The following SLC7A7 variants were observed in gnomAD, a reference collection of about 807,000 sequenced individuals.
SLC7A7 encodes solute carrier family 7 member 7.
A neutral mutation model predicts 47.9 loss-of-function variants in SLC7A7; 39 were observed. The ratio of observed to expected loss-of-function variants is 0.81; its 90% confidence interval spans 0.63 to 1.06. The LOEUF is 1.06. SLC7A7 is among the 50% of genes least tolerant of loss of function. The probability of loss-of-function intolerance (pLI) is 0.00; values close to 1 mark genes in which losing one functional copy is unlikely to be tolerated. For missense variants in SLC7A7, 588 were observed against 632.0 expected, an observed-to-expected ratio of 0.93 and a Z score of 0.75; for synonymous variants, 234 against 242.8, an observed-to-expected ratio of 0.96 and a Z score of 0.34.
rs1185832105 is a variant in SLC7A7 at position 22,773,429 on chromosome 14, A to G, written c.*181T>C. On this transcript the variant is annotated 3_prime_UTR_variant, in exon 10 of 10. Transcript: ENST00000674313. Reference sequence around the variant, plus strand: ...ATTGTCCCCTTTAAAAGTCTGGAACAGTATGTAGCAAAACAAATAAATTAC... The same window carrying G: ...ATTGTCCCCTTTAAAAGTCTGGAACGGTATGTAGCAAAACAAATAAATTAC... 4 of 693,150 alleles carry G rather than the reference A, an allele frequency of 5.8e-6. No homozygotes were observed. The highest frequency in any genetic ancestry group is 5.6e-5 in the East Asian group (2 of 35,892). The allele number at this position is 693,150 out of a possible 1,614,324, so 42.9% of individuals were successfully genotyped here. A position where few individuals can be genotyped will look rare whatever the true frequency, so the allele number is the denominator to read the frequency against.
At chr14:22,803,199 C>G (rs1267235110) in intron 2 of SLC7A7, among the ~76,000 whole-genome samples, 1 of 152,106 alleles carries the variant, frequency 6.6e-6, no homozygotes, top group Non-Finnish European at 1.5e-5. Flanking sequence ...GCGGGCAGAT[C>G]GCCTGAGGTC....
At chr14:22,780,203 G>C (rs1594949830) in intron 2 of SLC7A7, 152 bp from the exon 3 acceptor site, 1 of 860,438 alleles carries the variant, frequency 1.2e-6, no homozygotes. Context: ...AACCCTCGGG[G>C]CCCCAGAATG....
intron 2 of SLC7A7, among the ~76,000 whole-genome samples, chr14:22,804,684 A>C (rs114093678): frequency 6.6e-6 from 1 of 152,174 alleles, no homozygotes; most frequent in Admixed American, 6.5e-5. Context: ...GTCAGTCAGA[A>C]TGTCAATAAT....
At chr14:22,809,249 G>A (rs754377383) in intron 2 of SLC7A7, among the ~76,000 whole-genome samples, 14 of 151,420 alleles carry the variant, frequency 9.2e-5, no homozygotes, top group Admixed American at 1.3e-4. Context: ...GCATGATCTC[G>A]GCTACTGCAA....
At chr14:22,774,277 A>G in intron 8 of SLC7A7, 77 bp downstream of exon 8, 1 of 1,610,444 alleles carries the variant, frequency 6.2e-7, no homozygotes, top group Non-Finnish European at 8.5e-7. Flanking sequence ...TTCTAAATAA[A>G]GTGCTTTGTC....
chr14:22,775,864 C>T lies in SLC7A7; in HGVS notation c.967G>A (p.Gly323Ser). ...PLSVALSCFG[G>S]LNASIVAASR... ...GCAGCCACAATGGAGGCATTGAGGC[C>T]ACCAAAACAGGATAATGCAACTGAC... Residue 323 changes from glycine to serine, a missense_variant, in exon 6 of 10, where the codon GGC (glycine) becomes AGC (serine). Coordinates refer to ENST00000674313, the MANE Select transcript of SLC7A7 (RefSeq NM_003982.4). The T allele has an allele frequency of 6.2e-7, 1 of 1,614,074 alleles. No homozygotes were observed. The highest frequency in any genetic ancestry group is 1.1e-5 in the South Asian group (1 of 91,068).
rs111345188 is a variant in SLC7A7, at chr14:22,807,883, C to G, written c.499+5017G>C. Reference sequence around the variant, plus strand: ...AAAAATAAAGTTGTCCCATTTAGGTCGGGCGTGGTAGCTCATGCCTGTAGT... The same window carrying G: ...AAAAATAAAGTTGTCCCATTTAGGTGGGGCGTGGTAGCTCATGCCTGTAGT... On this transcript the variant is annotated intron_variant, in intron 2 of 9. Coordinates refer to ENST00000674313, the MANE Select transcript of SLC7A7 (RefSeq NM_003982.4). 2.8e-3 allele frequency among the ~76,000 whole-genome samples: 423 copies of G among 152,274 alleles called. 2 individuals are homozygous for G. The highest frequency in any genetic ancestry group is 9.6e-3 in the African/African-American group (398 of 41,558).
intron 2 of SLC7A7, among the ~76,000 whole-genome samples, chr14:22,806,958 C>T (rs1239816396): frequency 2.1e-5 from 3 of 141,860 alleles, no homozygotes; most frequent in Admixed American, 7.8e-5. Flanking sequence ...AGTGCAGTGG[C>T]GCGATCTGGG....
intron 2 of SLC7A7, among the ~76,000 whole-genome samples, chr14:22,789,229 T>C (rs1446110481): frequency 6.6e-6 from 1 of 152,120 alleles, no homozygotes; most frequent in African/African-American, 2.4e-5. Flanking sequence ...GGGCTATCAC[T>C]TGTGGTAGGT....
rs939164060 is a variant in SLC7A7 at position 22,773,360 on chromosome 14, C to T, written c.*250G>A. 1 of 597,392 alleles carries T rather than the reference C, an allele frequency of 1.7e-6. No homozygotes were observed. Among genetic ancestry groups the T allele is most frequent in the Non-Finnish European group, 3.1e-6 (1 of 319,944 alleles). The allele number at this position is 597,392 out of a possible 1,614,324, so 37.0% of individuals were successfully genotyped here. ...TAGGCACACCCAGGTGCTTCTAAAA[C>T]AACCAAGCCCAAACCTGACATGCTC... On this transcript the variant is annotated 3_prime_UTR_variant, in exon 10 of 10. Transcript: ENST00000674313.
chr14:22,805,808 T>A (rs1450668755), intron 2 of SLC7A7, among the ~76,000 whole-genome samples: 6 of 152,014 alleles, frequency 3.9e-5, no homozygotes, highest in Admixed American at 6.6e-5. Flanking sequence ...ATAAAAATTT[T>A]AAAAAAAGAA....
rs562951440 is a variant in SLC7A7, at chr14:22,797,316, A to T, written c.499+15584T>A. On this transcript the variant is annotated intron_variant, in intron 2 of 9. Coordinates refer to ENST00000674313, the MANE Select transcript of SLC7A7 (RefSeq NM_003982.4). ...AGAATAAGCAGCTTCAGGAGGTGCCATCTGCACACCTCTCTGTTTGGGAAA... is the reference window on the plus strand; with the variant it reads ...AGAATAAGCAGCTTCAGGAGGTGCCTTCTGCACACCTCTCTGTTTGGGAAA... Among the ~76,000 whole-genome samples, 44 of 152,312 alleles carry T rather than the reference A, an allele frequency of 2.9e-4. No individual in the cohort carries two copies. In the East Asian group the frequency reaches 6.4e-3, roughly 22 times the overall value.
intron 2 of SLC7A7, among the ~76,000 whole-genome samples, chr14:22,781,026 A>G (rs879841918): frequency 6.6e-6 from 1 of 152,132 alleles, no homozygotes; most frequent in Non-Finnish European, 1.5e-5. Flanking sequence ...GTTGGAAAAA[A>G]AAATACAGAT....
chr14:22,776,257 T>A lies in SLC7A7; in HGVS notation c.832A>T (p.Asn278Tyr), dbSNP rs2038604550. 6.2e-7 allele frequency: 1 copy of A among 1,614,066 alleles called. No individual in the cohort carries two copies. The highest frequency in any genetic ancestry group is 1.7e-5 in the Admixed American group (1 of 59,986). The part of the protein sequence containing the change: ...PIVTIIYILT[N>Y]VAYYTVLDMR... Reference sequence around the variant, plus strand: ...TCTAGCACAGTATAATAGGCCACATTGGTCAAGATATAGATGATGGTGACA... The same window carrying A: ...TCTAGCACAGTATAATAGGCCACATAGGTCAAGATATAGATGATGGTGACA... Residue 278 changes from asparagine (N) to tyrosine (Y), a missense_variant, in exon 5 of 10, where the codon AAT becomes TAT. Coordinates refer to ENST00000674313, the MANE Select transcript of SLC7A7 (RefSeq NM_003982.4).
intron 2 of SLC7A7, among the ~76,000 whole-genome samples, chr14:22,790,422 G>A (rs959436042): frequency 6.6e-6 from 1 of 151,492 alleles, no homozygotes; most frequent in African/African-American, 2.4e-5. Flanking sequence ...GTTGAAAAAT[G>A]GAGAAAGGGG....
intron 2 of SLC7A7, among the ~76,000 whole-genome samples, chr14:22,798,919 CTG>C (rs2039063552): frequency 6.6e-6 from 1 of 152,198 alleles, no homozygotes; most frequent in Non-Finnish European, 1.5e-5. Context: ...ATTAACTACA[CTG>C]CATTAGAACA....
At chr14:22,815,767 G>T (rs771232708), upstream of SLC7A7, 80 of 437,120 alleles carry the variant, frequency 1.8e-4, no homozygotes, top group Non-Finnish European at 3.4e-4. Flanking sequence ...AGCGGGGAAG[G>T]AATACACAGC....
upstream of SLC7A7, chr14:22,815,799 C>A: frequency 4.9e-6 from 2 of 408,084 alleles, no homozygotes; most frequent in South Asian, 1.7e-5. Context: ...CTGTGTCCTC[C>A]ATGCCCCACC....
intron 2 of SLC7A7, among the ~76,000 whole-genome samples, chr14:22,793,153 G>C (rs898994825): frequency 6.6e-6 from 1 of 151,754 alleles, no homozygotes; most frequent in African/African-American, 2.4e-5. Flanking sequence ...TCCTGACCTC[G>C]TAATCCGCCC....
Sources: allele counts gnomAD v4.1 joint callset (sites outside exome capture counted in the v4.1 genomes callset), GRCh38; gene constraint gnomAD v4.1.1; transcripts MANE v1.5; gene names NCBI Gene and HGNC (gene_info 2026-07-23, HGNC 2026-07-21).